The following BLACAT1 variants were observed in gnomAD, a reference collection of about 807,000 sequenced individuals.
BLACAT1 encodes BLACAT1 overlapping LEMD1 locus, also known as bladder cancer associated transcript 1.
In BLACAT1 at chr1:205,448,080, T is replaced by A. The variant is rs191835992; in HGVS notation, c.-36-7018A>T. On this transcript the variant is annotated intron_variant, in intron 1 of 1. Coordinates refer to ENST00000629624, the Ensembl canonical transcript of BLACAT1. This position sits in a 1 kb window ranked among gnomAD's most constrained non-coding sequence, Gnocchi z 4.7. Reference sequence around the variant, plus strand: ...ACACCCTGAAGGTCTCCTTCCTTCCTCAGAGGGAATCTCCCTCTGGAATCA... The same window carrying A: ...ACACCCTGAAGGTCTCCTTCCTTCCACAGAGGGAATCTCCCTCTGGAATCA... Among the ~76,000 whole-genome samples the A allele has an allele frequency of 5.4e-3, 827 of 152,262 alleles. 4 individuals are homozygous for A. Among genetic ancestry groups the A allele is most frequent in the African/African-American group, 0.019 (786 of 41,578 alleles).
At chr1:205,445,385 C>T (rs548075460) in intron 1 of BLACAT1, among the ~76,000 whole-genome samples, 5 of 152,350 alleles carry the variant, frequency 3.3e-5, no homozygotes, top group African/African-American at 1.2e-4. Flanking sequence ...GGGCACAGAC[C>T]TCCAGTCTGG....
chr1:205,449,238 C>T (rs1482517027), intron 1 of BLACAT1, among the ~76,000 whole-genome samples: 2 of 152,160 alleles, frequency 1.3e-5, no homozygotes, highest in African/African-American at 2.4e-5. Context: ...GGTCTCAGGG[C>T]CCTGGAAAAG....
chr1:205,445,993 C>G (rs915471928), intron 1 of BLACAT1, among the ~76,000 whole-genome samples: 1 of 152,086 alleles, frequency 6.6e-6, no homozygotes, highest in Non-Finnish European at 1.5e-5. Context: ...AACATGGGCC[C>G]ACTCTCGCAA....
At chr1:205,455,580 CAGG>C (rs1225871169) in intron 1 of BLACAT1, among the ~76,000 whole-genome samples, 1 of 152,192 alleles carries the variant, frequency 6.6e-6, no homozygotes, top group African/African-American at 2.4e-5. Flanking sequence ...TCAGCGGGGA[CAGG>C]AGGATCGGCT....
At chr1:205,449,570 AACAGCACAGC>A (rs1200218042) in intron 1 of BLACAT1, among the ~76,000 whole-genome samples, 2 of 152,096 alleles carry the variant, frequency 1.3e-5, no homozygotes, top group Non-Finnish European at 2.9e-5. Flanking sequence ...ATTCCCCAAC[AACAGCACAGC>A]ACAGCACAGC....
intron 1 of BLACAT1, among the ~76,000 whole-genome samples, chr1:205,446,234 G>A (rs1158156340): frequency 1.3e-5 from 2 of 152,196 alleles, no homozygotes; most frequent in African/African-American, 4.8e-5. Flanking sequence ...CAGTAGCCAA[G>A]AGACAAAGAA....
In BLACAT1 at chr1:205,440,692, T is replaced by G. The variant is rs112144392; in HGVS notation, c.*233A>C. ...GTCCTGGGGTTCCCCCTTGTGTGGCTGGGGCCTCTCTCCAAGGAGGTCTGA... is the reference window on the plus strand; with the variant it reads ...GTCCTGGGGTTCCCCCTTGTGTGGCGGGGGCCTCTCTCCAAGGAGGTCTGA... On this transcript the variant is annotated 3_prime_UTR_variant, in exon 2 of 2. Transcript: ENST00000629624. The G allele has an allele frequency of 8.7e-3, 1,321 of 152,664 alleles. 7 individuals carry two copies. The highest frequency in any genetic ancestry group is 0.027 in the Middle Eastern group (8 of 296). The allele number at this position is 152,664 out of a possible 1,614,324, so 9.5% of individuals were successfully genotyped here.
At chr1:205,436,603 G>C (rs993369903), downstream of BLACAT1, 1 of 152,120 alleles carries the variant, frequency 6.6e-6, no homozygotes, top group Non-Finnish European at 1.5e-5. Flanking sequence ...TGGGAGCAGG[G>C]TGATGATGGT....
intron 1 of BLACAT1, among the ~76,000 whole-genome samples, chr1:205,452,020 G>C (rs187053411): frequency 6.6e-6 from 1 of 152,286 alleles, no homozygotes; most frequent in African/African-American, 2.4e-5. Context: ...GGAGGCAGCA[G>C]GGAGAGATGA....
In BLACAT1 at chr1:205,448,255, G is replaced by T; in HGVS notation, c.-36-7193C>A. ...AGCCTCCTTCTGGTGCCCCTTGGTGGCTGGCTCCGAACCTGGTCCCATGGG... is the reference window on the plus strand; with the variant it reads ...AGCCTCCTTCTGGTGCCCCTTGGTGTCTGGCTCCGAACCTGGTCCCATGGG... On this transcript the variant is annotated intron_variant, in intron 1 of 1. Coordinates refer to ENST00000629624, the Ensembl canonical transcript of BLACAT1. This position sits in a 1 kb window ranked among gnomAD's most constrained non-coding sequence, Gnocchi z 4.7. 1 of 504,054 alleles carries T rather than the reference G, an allele frequency of 2.0e-6. No individual in the cohort carries two copies. The allele number at this position is 504,054 out of a possible 1,614,324, so 31.2% of individuals were successfully genotyped here.
In BLACAT1 at chr1:205,444,234, A is replaced by G. The variant is rs2102469757; in HGVS notation, c.-36-3172T>C. On this transcript the variant is annotated intron_variant, in intron 1 of 1. Transcript: ENST00000629624. ...AATAGGATGGAGAGGCAGGGTGGAC[A>G]CTGGACAAACCTCCTGCTACCACAC... 1.3e-5 allele frequency among the ~76,000 whole-genome samples: 2 copies of G among 152,196 alleles called. 1 individual carries two copies. The highest frequency in any genetic ancestry group is 3.9e-4 in the East Asian group (2 of 5,178).
chr1:205,439,987 G>A (rs1412025082), exon 2 of BLACAT1, among the ~76,000 whole-genome samples: 2 of 152,100 alleles, frequency 1.3e-5, no homozygotes, highest in African/African-American at 4.8e-5. Flanking sequence ...GGAAAAAGTC[G>A]AGGAAGGTCC....
chr1:205,436,126 C>T (rs1463832287), downstream of BLACAT1: 2 of 152,638 alleles, frequency 1.3e-5, no homozygotes, highest in East Asian at 3.9e-4. Flanking sequence ...TTCCTCCCGC[C>T]CCTCAGATGG....
intron 1 of BLACAT1, among the ~76,000 whole-genome samples, chr1:205,444,348 T>G (rs1666348170): frequency 6.6e-6 from 1 of 152,058 alleles, no homozygotes; most frequent in Non-Finnish European, 1.5e-5. Flanking sequence ...CCAAGATGGT[T>G]TACGGTCTGG....
intron 1 of BLACAT1, among the ~76,000 whole-genome samples, chr1:205,445,654 G>A (rs1666375915): frequency 6.6e-6 from 1 of 152,226 alleles, no homozygotes; most frequent in South Asian, 2.1e-4. Context: ...CTTGGGAGCT[G>A]GAGAGGTCAG....
At chr1:205,447,852 G>A (rs528679861) in intron 1 of BLACAT1, among the ~76,000 whole-genome samples, 1 of 152,238 alleles carries the variant, frequency 6.6e-6, no homozygotes, top group East Asian at 1.9e-4. Flanking sequence ...AGAGCCCAGA[G>A]GTCTCCTTAC....
intron 1 of BLACAT1, among the ~76,000 whole-genome samples, chr1:205,454,278 C>T (rs1051289047): frequency 5.9e-5 from 9 of 152,276 alleles, no homozygotes; most frequent in Middle Eastern, 3.4e-3. Flanking sequence ...CTGTGGTCTC[C>T]CCTGCCACCC....
chr1:205,448,193 A>C lies in BLACAT1; in HGVS notation c.-36-7131T>G. On this transcript the variant is annotated intron_variant, in intron 1 of 1. Transcript: ENST00000629624. The surrounding 1 kb of genome is among the most constrained non-coding windows in gnomAD (Gnocchi z 4.7). ...GGTCACACGGCTTAGCCCCGATCCC[A>C]GGTTACCAGATCCCGTGATGCCCCA... 2 of 442,894 alleles carry C rather than the reference A, an allele frequency of 4.5e-6. No individual in the cohort carries two copies. Among genetic ancestry groups the C allele is most frequent in the East Asian group, 5.8e-5 (1 of 17,196 alleles). 27.4% of individuals were successfully genotyped at this position (442,894 alleles called of 1,614,324 possible).
chr1:205,451,188 C>T (rs965032020), intron 1 of BLACAT1, among the ~76,000 whole-genome samples: 1 of 152,186 alleles, frequency 6.6e-6, no homozygotes, highest in East Asian at 1.9e-4. Flanking sequence ...CCTCCTTGGC[C>T]ACTCCAGGGA....
Sources: allele counts gnomAD v4.1 joint callset (sites outside exome capture counted in the v4.1 genomes callset), GRCh38; gene constraint gnomAD v4.1.1; non-coding constraint Gnocchi (gnomAD v3.1); transcripts MANE v1.5; gene names NCBI Gene and HGNC (gene_info 2026-07-23, HGNC 2026-07-21).